Variants in TMC7 observed in about 807,000 individuals in gnomAD.
TMC7 encodes the protein transmembrane channel-like protein 7.
Under a neutral mutation model 82.9 loss-of-function variants are expected in TMC7, and 54 were observed. The observed-to-expected ratio is 0.65, with a 90% CI of 0.52 to 0.82. The LOEUF is 0.82. TMC7 is among the 40% of genes least tolerant of loss of function. The pLI is 0.00. For synonymous variants in TMC7, 350 were observed against 337.9 expected (o/e 1.04, Z -0.39); for missense variants, 820 against 901.2 (o/e 0.91, Z 1.15).
chr16:19,026,508 C>CA (rs1257274799), intron 5 of TMC7, among the ~76,000 whole-genome samples: 2 of 151,494 alleles, frequency 1.3e-5, no homozygotes, highest in African/African-American at 4.8e-5. Flanking sequence ...AAGTTAGGAT[C>CA]AAATCCCAGA....
At chr16:19,047,384 T>C in intron 12 of TMC7, 135 bp downstream of exon 12, 1 of 786,368 alleles carries the variant, frequency 1.3e-6, no homozygotes, top group Non-Finnish European at 1.9e-6. Context: ...TATATGTTTA[T>C]TCTAGAAAAA....
chr16:19,061,833 T>C lies in TMC7; in HGVS notation c.2162T>C (p.Met721Thr). Residue 721 changes from methionine (M) to threonine (T), a missense_variant, in exon 16 of 16, where the codon ATG becomes ACG. Transcript: ENST00000304381. ...IQKLTEAQRD[M>T]RN ...AAACTAACAGAAGCCCAAAGGGACA[T>C]GAGGAACTAACTAGACTGAGCGTGA... 2 of 1,613,810 alleles carry C rather than the reference T, an allele frequency of 1.2e-6. No homozygotes were observed. The highest frequency in any genetic ancestry group is 1.7e-6 in the Non-Finnish European group (2 of 1,179,828).
intron 6 of TMC7, among the ~76,000 whole-genome samples, chr16:19,030,647 C>T (rs892499171): frequency 5.3e-5 from 8 of 150,684 alleles, no homozygotes; most frequent in South Asian, 2.1e-4. Flanking sequence ...GGCGGGATCT[C>T]GGCTCACTGC....
At chr16:19,032,721 G>A (rs1960572716) in intron 6 of TMC7, among the ~76,000 whole-genome samples, 1 of 152,024 alleles carries the variant, frequency 6.6e-6, no homozygotes, top group African/African-American at 2.4e-5. Flanking sequence ...TCTGCCTTCC[G>A]GGTTCAAGCA....
chr16:19,045,599 T>C (rs966285351), intron 11 of TMC7, among the ~76,000 whole-genome samples, 161 bp downstream of exon 11: 1 of 142,964 alleles, frequency 7.0e-6, no homozygotes, highest in Non-Finnish European at 1.5e-5. Flanking sequence ...TTCTTTTTTT[T>C]TTTTTTTTTT....
intron 6 of TMC7, among the ~76,000 whole-genome samples, chr16:19,030,954 T>G (rs568334231): frequency 6.6e-6 from 1 of 152,120 alleles, no homozygotes; most frequent in Admixed American, 6.6e-5. Context: ...TGCTTAGGTG[T>G]GTATATTAAC....
chr16:18,991,416 T>C (rs375413080), intron 1 of TMC7, among the ~76,000 whole-genome samples: 12 of 152,270 alleles, frequency 7.9e-5, no homozygotes, highest in African/African-American at 2.9e-4. Context: ...CCTTGAGTTT[T>C]TTTATGTTGT....
chr16:19,056,844 G>C, intron 14 of TMC7, 147 bp downstream of exon 14: 1 of 935,860 alleles, frequency 1.1e-6, no homozygotes, highest in South Asian at 1.7e-5. Context: ...GGCATAATAG[G>C]CCAGGCGCGG....
intron 1 of TMC7, among the ~76,000 whole-genome samples, chr16:18,985,923 T>G (rs2038839943): frequency 6.6e-6 from 1 of 151,904 alleles, no homozygotes; most frequent in Non-Finnish European, 1.5e-5. Flanking sequence ...AATCCAGCAC[T>G]TTGGGATGCT....
intron 6 of TMC7, among the ~76,000 whole-genome samples, chr16:19,032,899 T>C (rs1176261703): frequency 1.3e-5 from 2 of 152,156 alleles, no homozygotes; most frequent in African/African-American, 4.8e-5. Context: ...AGTGCTGGGA[T>C]TACAGGCGTG....
intron 1 of TMC7, among the ~76,000 whole-genome samples, chr16:18,999,426 A>G (rs1490004944): frequency 2.0e-5 from 3 of 152,206 alleles, no homozygotes; most frequent in Non-Finnish European, 4.4e-5. Context: ...CGCACCCCTG[A>G]CTTATTTTTC....
intron 2 of TMC7, among the ~76,000 whole-genome samples, chr16:19,010,034 C>T (rs1248220754): frequency 6.8e-6 from 1 of 147,354 alleles, no homozygotes; most frequent in African/African-American, 2.5e-5. Flanking sequence ...TCCCTCCCTC[C>T]CTCCTTTCTT....
At chr16:19,010,286 C>T (rs1213290310) in intron 2 of TMC7, among the ~76,000 whole-genome samples, 2 of 151,848 alleles carry the variant, frequency 1.3e-5, no homozygotes, top group Non-Finnish European at 2.9e-5. Context: ...TCCCGAGTAG[C>T]TGGGATTACA....
intron 1 of TMC7, among the ~76,000 whole-genome samples, chr16:18,997,451 C>A (rs2039062646): frequency 6.7e-6 from 1 of 150,102 alleles, no homozygotes; most frequent in Admixed American, 6.6e-5. Context: ...CTCACTGCAA[C>A]CTCTGACTCC....
rs759500658 is a variant in TMC7, at chr16:18,983,998, AGGCGGCGGC to A, written c.-53_-45del. 84 of 1,349,446 alleles carry A rather than the reference AGGCGGCGGC, an allele frequency of 6.2e-5. No individual in the cohort carries two copies. Among genetic ancestry groups the A allele is most frequent in the East Asian group, 5.5e-4 (18 of 32,482 alleles). 83.6% of individuals were successfully genotyped at this position (1,349,446 alleles called of 1,614,324 possible). On this transcript the variant is annotated 5_prime_UTR_variant, in exon 1 of 16. Coordinates refer to ENST00000304381, the MANE Select transcript of TMC7 (RefSeq NM_024847.4). ...CCGGCTCCGCGAGGGAAGGCCGGGG[AGGCGGCGGC>A]GGCGGCGGCGGCTGGAGAGGGTCCT...
At chr16:19,049,722 A>G (rs1259109538) in intron 12 of TMC7, 1 of 947,604 alleles carries the variant, frequency 1.1e-6, no homozygotes, top group African/African-American at 1.8e-5. Context: ...CACACCAGGC[A>G]TGTCCCGCCG....
intron 1 of TMC7, among the ~76,000 whole-genome samples, chr16:19,000,240 T>C (rs1035986271): frequency 2.0e-5 from 3 of 151,208 alleles, no homozygotes; most frequent in African/African-American, 7.3e-5. Flanking sequence ...CTGAGGCAAG[T>C]GGATCATTTG....
intron 1 of TMC7, among the ~76,000 whole-genome samples, chr16:18,999,908 T>C (rs2039112231): frequency 6.6e-6 from 1 of 151,870 alleles, no homozygotes; most frequent in Non-Finnish European, 1.5e-5. Flanking sequence ...GGACTACAGG[T>C]GCCCGCCACC....
intron 1 of TMC7, among the ~76,000 whole-genome samples, chr16:19,001,713 A>G (rs2039144202): frequency 1.3e-5 from 2 of 152,290 alleles, no homozygotes; most frequent in African/African-American, 4.8e-5. Flanking sequence ...ATGGAGTAGT[A>G]ACAGGGGTGA....
Sources: allele counts gnomAD v4.1 joint callset (sites outside exome capture counted in the v4.1 genomes callset), GRCh38; gene constraint gnomAD v4.1.1; transcripts MANE v1.5; gene names NCBI Gene and HGNC (gene_info 2026-07-23, HGNC 2026-07-21).